NAALAD2: variants seen among roughly 807,000 people sequenced by gnomAD.
NAALAD2 encodes the protein N-acetylated alpha-linked acidic dipeptidase 2, also known as N-acetylated-alpha-linked acidic dipeptidase 2.
Under a neutral mutation model 95.6 loss-of-function variants are expected in NAALAD2, and 89 were observed. The ratio of observed to expected loss-of-function variants is 0.93; its 90% CI spans 0.78 to 1.11. The LOEUF (loss-of-function observed/expected upper bound fraction) is 1.11. Ranked by LOEUF, NAALAD2 falls within the 50% of genes least tolerant of loss-of-function variation. The probability of loss-of-function intolerance (pLI) is 0.00; values close to 1 mark genes in which losing one functional copy is unlikely to be tolerated. For missense variants in NAALAD2, 894 were observed against 872.4 expected, an observed-to-expected ratio of 1.02 and a Z score of -0.31; for synonymous variants, 264 against 294.4, an observed-to-expected ratio of 0.90 and a Z score of 1.06.
intron 2 of NAALAD2, among the ~76,000 whole-genome samples, chr11:90,140,765 G>C (rs184210112): frequency 5.3e-5 from 8 of 151,746 alleles, no homozygotes; most frequent in Non-Finnish European, 8.8e-5. Flanking sequence ...CATGCTTTTG[G>C]GTTCATATCT....
At chr11:90,171,207 A>C (rs1952623379) in intron 13 of NAALAD2, among the ~76,000 whole-genome samples, 1 of 152,218 alleles carries the variant, frequency 6.6e-6, no homozygotes, top group South Asian at 2.1e-4. Flanking sequence ...TTGCCAAAGA[A>C]TTTACCTGTG....
chr11:90,134,033 T>C (rs951392411), upstream of NAALAD2, among the ~76,000 whole-genome samples: 3 of 152,118 alleles, frequency 2.0e-5, no homozygotes, highest in African/African-American at 7.2e-5. Context: ...GAAATTGGTG[T>C]CTGAGCTTTA....
At chr11:90,155,091 A>G (rs1426036665) in intron 6 of NAALAD2, among the ~76,000 whole-genome samples, 1 of 124,208 alleles carries the variant, frequency 8.1e-6, no homozygotes, top group Non-Finnish European at 1.5e-5. Flanking sequence ...TATATATATT[A>G]TATACGTATA....
rs551916049 is a variant in NAALAD2 at position 90,157,152 on chromosome 11, CTAAT to C, written c.797-990_797-987del. 4.6e-5 allele frequency among the ~76,000 whole-genome samples: 7 copies of C among 152,220 alleles called. No homozygotes were observed. In the East Asian group the frequency reaches 1.2e-3, roughly 25 times the overall value. ...TCTTATATACTTACTGATTTACTAT[CTAAT>C]TATATTGTTACAATTTTGTTTCAGC... On this transcript the variant is annotated intron_variant, in intron 6 of 18. Coordinates refer to ENST00000534061, the MANE Select transcript of NAALAD2 (RefSeq NM_005467.4).
chr11:90,134,710 CG>C lies in NAALAD2; in HGVS notation c.-48del. ...CGCGCTCTCTGTTTCTCTGCAGCCCCGAAGCTCGCGAATGTAGCAGGCGCCC... is the reference window on the plus strand; with the variant it reads ...CGCGCTCTCTGTTTCTCTGCAGCCCCAAGCTCGCGAATGTAGCAGGCGCCC... On this transcript the variant is annotated 5_prime_UTR_variant, in exon 1 of 19. Coordinates refer to ENST00000534061, the MANE Select transcript of NAALAD2 (RefSeq NM_005467.4). 1 of 1,588,966 alleles carries C rather than the reference CG, an allele frequency of 6.3e-7. No homozygotes were observed. Among genetic ancestry groups the C allele is most frequent in the Non-Finnish European group, 8.6e-7 (1 of 1,158,924 alleles).
At chr11:90,172,682 T>A (rs1221776723) in intron 13 of NAALAD2, among the ~76,000 whole-genome samples, 1 of 152,190 alleles carries the variant, frequency 6.6e-6, no homozygotes, top group Non-Finnish European at 1.5e-5. Flanking sequence ...TTGGTGTGTG[T>A]ATCCCCAATT....
chr11:90,172,005 AGAAAG>A (rs1333599213), intron 13 of NAALAD2, among the ~76,000 whole-genome samples: 1 of 140,494 alleles, frequency 7.1e-6, no homozygotes, highest in Non-Finnish European at 1.5e-5. Context: ...AAAAGAAAAA[AGAAAG>A]AAAGAAAGCT....
intron 2 of NAALAD2, among the ~76,000 whole-genome samples, chr11:90,141,675 C>T (rs1194210932): frequency 1.3e-5 from 2 of 151,910 alleles, no homozygotes; most frequent in Non-Finnish European, 2.9e-5. Flanking sequence ...GTTTCAAACT[C>T]CTGGAGTTAA....
intron 2 of NAALAD2, among the ~76,000 whole-genome samples, chr11:90,144,807 A>T (rs912464816): frequency 1.3e-5 from 2 of 151,534 alleles, no homozygotes; most frequent in Non-Finnish European, 2.9e-5. Context: ...GGTGCTGAAG[A>T]TATAAGCGAA....
intron 17 of NAALAD2, 48 bp from the exon 18 acceptor site, chr11:90,182,868 C>G: frequency 8.4e-7 from 1 of 1,196,600 alleles, no homozygotes; most frequent in Non-Finnish European, 1.2e-6. Flanking sequence ...ATTTTTGAAG[C>G]ATGATTCTGC....
intron 9 of NAALAD2, 73 bp downstream of exon 9, chr11:90,163,107 A>C: frequency 1.6e-6 from 2 of 1,272,696 alleles, no homozygotes; most frequent in Non-Finnish European, 2.2e-6. Flanking sequence ...AATTGTAGTC[A>C]ACAATTGAAG....
rs1266264538 is a variant in NAALAD2, at chr11:90,139,878, T to C, written c.194+4208T>C. Among the ~76,000 whole-genome samples, 3 of 151,078 alleles carry C rather than the reference T, an allele frequency of 2.0e-5. No homozygotes were observed. The East Asian group carries it at 5.9e-4, about 29-fold the overall frequency. On this transcript the variant is annotated intron_variant, in intron 2 of 18. Coordinates refer to ENST00000534061, the MANE Select transcript of NAALAD2 (RefSeq NM_005467.4). ...TCCTTTTTTTTTTTTTTTTTAACAA[T>C]AGTCCTTATGCTGGATTTATTTTGA...
At chr11:90,188,454 CAG>C (rs1335245384) in intron 18 of NAALAD2, among the ~76,000 whole-genome samples, 2 of 152,120 alleles carry the variant, frequency 1.3e-5, no homozygotes, top group African/African-American at 2.4e-5. Context: ...TTATAAAAAA[CAG>C]AAATTTATTC....
At position 90,134,740 on chromosome 11, in the gene NAALAD2, GCTCGGTC is replaced by G; in HGVS notation, c.-15_-9del. 6.2e-7 allele frequency: 1 copy of G among 1,613,108 alleles called. No individual in the cohort carries two copies. Among genetic ancestry groups the G allele is most frequent in the Non-Finnish European group, 8.5e-7 (1 of 1,179,784 alleles). ...CTCGCGAATGTAGCAGGCGCCCCAA[GCTCGGTC>G]CTCAAGAAGCCATGGCGGAATCCAG... On this transcript the variant is annotated 5_prime_UTR_variant, in exon 1 of 19. Transcript: ENST00000534061.
In NAALAD2 at chr11:90,134,733, G is replaced by GC. The variant is rs1565503950; in HGVS notation, c.-22dup. The GC allele has an allele frequency of 6.2e-7, 1 of 1,611,120 alleles. No individual in the cohort carries two copies. The highest frequency in any genetic ancestry group is 8.5e-7 in the Non-Finnish European group (1 of 1,178,294). Reference sequence around the variant, plus strand: ...CCCGAAGCTCGCGAATGTAGCAGGCGCCCCAAGCTCGGTCCTCAAGAAGCC... The same window carrying GC: ...CCCGAAGCTCGCGAATGTAGCAGGCGCCCCCAAGCTCGGTCCTCAAGAAGCC... On this transcript the variant is annotated 5_prime_UTR_variant, in exon 1 of 19. Coordinates refer to ENST00000534061, the MANE Select transcript of NAALAD2 (RefSeq NM_005467.4).
At chr11:90,178,661 G>T (rs528234273) in intron 16 of NAALAD2, among the ~76,000 whole-genome samples, 101 of 145,904 alleles carry the variant, frequency 6.9e-4, no homozygotes, top group African/African-American at 2.3e-3. Context: ...ACAGAGCAAG[G>T]CTCCTTCTCA....
chr11:90,189,051 A>T (rs972058557), intron 18 of NAALAD2, among the ~76,000 whole-genome samples: 2 of 152,252 alleles, frequency 1.3e-5, no homozygotes, highest in African/African-American at 4.8e-5. Context: ...GGTCCCAATG[A>T]TGCAGTCACA....
chr11:90,140,744 T>G (rs1951590064), intron 2 of NAALAD2, among the ~76,000 whole-genome samples: 1 of 152,148 alleles, frequency 6.6e-6, no homozygotes, highest in African/African-American at 2.4e-5. Context: ...TCAATTTTTC[T>G]CTTTTTGGAT....
At chr11:90,154,838 G>GTATATAT (rs1951991085) in intron 6 of NAALAD2, among the ~76,000 whole-genome samples, 2 of 122,730 alleles carry the variant, frequency 1.6e-5, no homozygotes, top group African/African-American at 6.1e-5. Flanking sequence ...ATGTTACATA[G>GTATATAT]TATATACGTA....
Sources: allele counts gnomAD v4.1 joint callset (sites outside exome capture counted in the v4.1 genomes callset), GRCh38; gene constraint gnomAD v4.1.1; transcripts MANE v1.5; gene names NCBI Gene and HGNC (gene_info 2026-07-23, HGNC 2026-07-21).